NFATC2: variants seen among roughly 807,000 people sequenced by gnomAD.
The protein encoded by NFATC2 is nuclear factor of activated T cells 2, also known as nuclear factor of activated T-cells, cytoplasmic 2.
A neutral mutation model predicts 87.3 loss-of-function variants in NFATC2; 22 were observed. The ratio of observed to expected loss-of-function variants is 0.25; its 90% CI spans 0.18 to 0.36. The LOEUF (loss-of-function observed/expected upper bound fraction) is 0.36, where lower values mean the gene tolerates loss of function less well. Among genes scored for constraint, NFATC2 ranks in the 10% least tolerant of loss-of-function variants. NFATC2 has a pLI of 1.00. For synonymous variants in NFATC2, 565 were observed against 542.2 expected, an observed-to-expected ratio of 1.04 and a Z score of -0.58; for missense variants, 1,149 against 1,259.1, an observed-to-expected ratio of 0.91 and a Z score of 1.32.
At chr20:51,522,016 G>C (rs369932052) in intron 2 of NFATC2, among the ~76,000 whole-genome samples, 4 of 152,220 alleles carry the variant, frequency 2.6e-5, no homozygotes, top group Middle Eastern at 3.4e-3. Context: ...ATTGTATTAG[G>C]TATTCTAAGG....
intron 3 of NFATC2, among the ~76,000 whole-genome samples, chr20:51,487,290 C>A (rs967986566): frequency 6.6e-6 from 1 of 152,176 alleles, no homozygotes; most frequent in African/African-American, 2.4e-5. Context: ...CCCAGGGATG[C>A]TGGGATGGCA....
chr20:51,428,595 G>C (rs146996271), intron 9 of NFATC2, among the ~76,000 whole-genome samples: 1 of 152,182 alleles, frequency 6.6e-6, no homozygotes, highest in South Asian at 2.1e-4. Flanking sequence ...ATGCCCAGAC[G>C]CGACGCTGGG....
chr20:51,415,062 G>A (rs1444470705), intron 9 of NFATC2, among the ~76,000 whole-genome samples: 1 of 151,630 alleles, frequency 6.6e-6, no homozygotes, highest in Non-Finnish European at 1.5e-5. Flanking sequence ...ACCAGCCTGG[G>A]CAACATAGTG....
chr20:51,486,930 G>C (rs577026214), intron 3 of NFATC2, among the ~76,000 whole-genome samples: 1 of 152,210 alleles, frequency 6.6e-6, no homozygotes, highest in Non-Finnish European at 1.5e-5. Flanking sequence ...ACTAACTTGG[G>C]CTGGAAAAAT....
intron 3 of NFATC2, among the ~76,000 whole-genome samples, chr20:51,516,258 T>A (rs1274088237): frequency 6.6e-6 from 1 of 152,214 alleles, no homozygotes. Context: ...ACAATCTACA[T>A]GTTCACTATA....
intron 1 of NFATC2, among the ~76,000 whole-genome samples, chr20:51,537,776 T>A (rs1167396760): frequency 6.6e-6 from 1 of 152,184 alleles, no homozygotes; most frequent in African/African-American, 2.4e-5. Context: ...CCATCAGGAC[T>A]CCCACATCCT....
intron 10 of NFATC2, among the ~76,000 whole-genome samples, chr20:51,398,154 A>T (rs2146223550): frequency 6.6e-6 from 1 of 152,168 alleles, no homozygotes; most frequent in East Asian, 1.9e-4. Context: ...CCCCGGGAGG[A>T]GCTGAAACCT....
At chr20:51,546,045 C>T (rs866656676), upstream of NFATC2, among the ~76,000 whole-genome samples, 1 of 152,142 alleles carries the variant, frequency 6.6e-6, no homozygotes, top group Non-Finnish European at 1.5e-5. Context: ...AATTCTTACC[C>T]CAATTCCACT....
In NFATC2 at chr20:51,432,825, G is replaced by A; in HGVS notation, c.2033-69C>T. The A allele has an allele frequency of 7.2e-7, 1 of 1,388,356 alleles. No individual in the cohort carries two copies. The highest frequency in any genetic ancestry group is 9.6e-7 in the Non-Finnish European group (1 of 1,046,524). The allele number at this position is 1,388,356 out of a possible 1,614,324, so 86.0% of individuals were successfully genotyped here. On this transcript the variant is annotated intron_variant, in intron 8 of 10. Transcript: ENST00000371564. This position sits in a 1 kb window ranked among gnomAD's most constrained non-coding sequence, Gnocchi z 4.6. ...CCACGGATGTGCACGGAGGATTCGT[G>A]GATGGTGCTTGAGAACATGGCCTTG...
intron 6 of NFATC2, among the ~76,000 whole-genome samples, chr20:51,446,049 G>A (rs73615389): frequency 0.089 from 13,588 of 152,168 alleles, 993 homozygotes; most frequent in East Asian, 0.33. Flanking sequence ...CTCCACTGAT[G>A]AACTCTGTCA....
chr20:51,465,105 C>A (rs1987540543), intron 5 of NFATC2, among the ~76,000 whole-genome samples: 2 of 152,198 alleles, frequency 1.3e-5, no homozygotes, highest in African/African-American at 2.4e-5. Flanking sequence ...ATAGAAATCA[C>A]AGCTGGGCGT....
At chr20:51,398,564 TTTAC>T in intron 10 of NFATC2, 75 bp downstream of exon 10, 1 of 904,974 alleles carries the variant, frequency 1.1e-6, no homozygotes, top group East Asian at 3.0e-5. Flanking sequence ...TTTCTTATAC[TTTAC>T]TTAAAAAAAA....
At chr20:51,399,419 C>CTGATTTAGAAATGTTTT (rs1568927960) in intron 9 of NFATC2, among the ~76,000 whole-genome samples, 1 of 152,196 alleles carries the variant, frequency 6.6e-6, no homozygotes, top group Non-Finnish European at 1.5e-5. Context: ...TTCCAAATGC[C>CTGATTTAGAAATGTTTT]TGATTTAGAA....
intron 9 of NFATC2, among the ~76,000 whole-genome samples, chr20:51,411,001 A>G (rs1979142387): frequency 6.6e-6 from 1 of 152,170 alleles, no homozygotes; most frequent in Non-Finnish European, 1.5e-5. Flanking sequence ...GATGGTGATA[A>G]TGATAGTGGT....
At chr20:51,505,050 G>GTCACC (rs1162596957) in intron 3 of NFATC2, among the ~76,000 whole-genome samples, 1 of 113,928 alleles carries the variant, frequency 8.8e-6, no homozygotes, top group Non-Finnish European at 1.6e-5. Flanking sequence ...GTCTCGCTCT[G>GTCACC]TCACCCAGGC....
At chr20:51,449,107 G>C (rs1985453551) in intron 6 of NFATC2, among the ~76,000 whole-genome samples, 1 of 152,172 alleles carries the variant, frequency 6.6e-6, no homozygotes, top group South Asian at 2.1e-4. Context: ...GATTAGCCCA[G>C]GAGGCTGTCA....
intron 1 of NFATC2, among the ~76,000 whole-genome samples, chr20:51,556,608 G>A (rs1206908692): frequency 6.6e-6 from 1 of 152,202 alleles, no homozygotes; most frequent in African/African-American, 2.4e-5. Flanking sequence ...TCTAAGAGGA[G>A]ATGGAAACTG....
In NFATC2 at chr20:51,391,439, A is replaced by G. The variant is rs763306998; in HGVS notation, c.*57T>C. 8.8e-6 allele frequency: 12 copies of G among 1,364,950 alleles called. No individual in the cohort carries two copies. The highest frequency in any genetic ancestry group is 1.7e-5 in the Admixed American group (1 of 57,264). 84.6% of individuals were successfully genotyped at this position (1,364,950 alleles called of 1,614,324 possible). A position where few individuals can be genotyped will look rare whatever the true frequency, so the allele number is the denominator to read the frequency against. On this transcript the variant is annotated 3_prime_UTR_variant, in exon 11 of 11. Transcript: ENST00000371564. ...AGGAGGTCCTGAAAACTCCTTCCTGATAATTTCATTAACTACAAAAGAAAA... is the reference window on the plus strand; with the variant it reads ...AGGAGGTCCTGAAAACTCCTTCCTGGTAATTTCATTAACTACAAAAGAAAA...
chr20:51,478,206 G>A (rs1988926858), intron 3 of NFATC2, among the ~76,000 whole-genome samples: 2 of 152,206 alleles, frequency 1.3e-5, no homozygotes, highest in African/African-American at 4.8e-5. Context: ...CAAGTCAGAA[G>A]CCTCTTATCT....
Sources: gnomAD v4.1 joint callset for allele counts (sites outside exome capture counted in the v4.1 genomes callset) on GRCh38, gnomAD v4.1.1 for gene constraint, Gnocchi (gnomAD v3.1) non-coding constraint, MANE v1.5 for transcripts, NCBI Gene and HGNC (gene_info 2026-07-23, HGNC 2026-07-21) for gene names.